Variants in LPAR1 observed in about 807,000 individuals in gnomAD.
LPAR1 encodes the protein lysophosphatidic acid receptor 1, also known as LPA receptor 1.
Under a neutral mutation model 23.8 loss-of-function variants are expected in LPAR1, and 5 were observed. The ratio of observed to expected loss-of-function variants is 0.21; its 90% CI spans 0.11 to 0.44. The LOEUF (loss-of-function observed/expected upper bound fraction) is 0.44. Ranked by LOEUF, LPAR1 falls within the 20% of genes least tolerant of loss-of-function variation. The pLI, the probability that LPAR1 is intolerant of heterozygous loss-of-function variation, is 0.99. For missense variants in LPAR1, 311 were observed against 482.8 expected, an observed-to-expected ratio of 0.64 and a Z score of 3.33; for synonymous variants, 160 against 164.7, an observed-to-expected ratio of 0.97 and a Z score of 0.22.
At position 110,982,861 on chromosome 9, in the gene LPAR1, TACACACAC is replaced by T. The variant is rs55748505; in HGVS notation, c.-181-9311_-181-9304del. ...ACTTCTACAAAAATGTATATACACA[TACACACAC>T]ACACACACACACACACACACACACA... On this transcript the variant is annotated intron_variant, in intron 2 of 5. Transcript: ENST00000683809. Among the ~76,000 whole-genome samples, 714 of 140,090 alleles carry T rather than the reference TACACACAC, an allele frequency of 5.1e-3. 8 individuals are homozygous for T. Among genetic ancestry groups the T allele is most frequent in the African/African-American group, 0.018 (684 of 38,070 alleles). 91.9% of individuals were successfully genotyped at this position (140,090 alleles called of 152,430 possible). A position where few individuals can be genotyped will look rare whatever the true frequency, so the allele number is the denominator to read the frequency against.
chr9:111,018,393 G>T (rs2097497946), intron 2 of LPAR1, among the ~76,000 whole-genome samples: 1 of 152,108 alleles, frequency 6.6e-6, no homozygotes, highest in South Asian at 2.1e-4. Flanking sequence ...ATATTACCAG[G>T]AATCTACTCT....
intron 2 of LPAR1, among the ~76,000 whole-genome samples, chr9:110,980,829 T>C (rs916142208): frequency 6.6e-6 from 1 of 152,120 alleles, no homozygotes. Flanking sequence ...GTGATGGATA[T>C]GTTAATTGCC....
intron 2 of LPAR1, among the ~76,000 whole-genome samples, chr9:111,024,466 T>C (rs1270881500): frequency 6.8e-6 from 1 of 147,280 alleles, no homozygotes; most frequent in Admixed American, 6.8e-5. Flanking sequence ...ATATACATAA[T>C]TATATATACA....
chr9:110,891,304 G>T (rs1279779247), intron 5 of LPAR1, among the ~76,000 whole-genome samples: 1 of 151,994 alleles, frequency 6.6e-6, no homozygotes, highest in African/African-American at 2.4e-5. Flanking sequence ...CTTCAATAAA[G>T]AACATTACAT....
chr9:110,913,334 G>C (rs770365468), intron 5 of LPAR1, among the ~76,000 whole-genome samples: 1 of 152,086 alleles, frequency 6.6e-6, no homozygotes, highest in Non-Finnish European at 1.5e-5. Context: ...TTAAATACAG[G>C]TTTCCAACAG....
At chr9:110,958,109 C>T (rs1016194019) in intron 4 of LPAR1, among the ~76,000 whole-genome samples, 3 of 152,144 alleles carry the variant, frequency 2.0e-5, no homozygotes, top group Non-Finnish European at 4.4e-5. Context: ...ACATCCTATG[C>T]TTATAGATCG....
intron 5 of LPAR1, among the ~76,000 whole-genome samples, chr9:110,931,934 A>G (rs2135720349): frequency 6.6e-6 from 1 of 152,262 alleles, no homozygotes; most frequent in East Asian, 1.9e-4. Context: ...GCCTTGTAGT[A>G]TAGTTTGAAG....
In LPAR1 at chr9:110,995,065, T is replaced by C. The variant is rs145097368; in HGVS notation, c.-181-21507A>G. Among the ~76,000 whole-genome samples the C allele has an allele frequency of 4.1e-3, 626 of 152,274 alleles. 1 individual carries two copies. The highest frequency in any genetic ancestry group is 0.014 in the Middle Eastern group (4 of 292). ...GACAAAGGCAGATGCTCCAGCAATG[T>C]GGCCCTAAGTACTTCTGTTTCCAGG... On this transcript the variant is annotated intron_variant, in intron 2 of 5. Coordinates refer to ENST00000683809, the MANE Select transcript of LPAR1 (RefSeq NM_001351411.2).
chr9:111,009,706 G>A (rs1253418272), intron 2 of LPAR1, among the ~76,000 whole-genome samples: 1 of 151,548 alleles, frequency 6.6e-6, no homozygotes, highest in Non-Finnish European at 1.5e-5. Flanking sequence ...ATATATATAT[G>A]TATTTGAGTA....
chr9:110,976,256 G>A (rs144757117), intron 2 of LPAR1, among the ~76,000 whole-genome samples: 3,228 of 150,948 alleles, frequency 0.021, 53 homozygotes, highest in Admixed American at 0.037. Context: ...ATTTTGAGAC[G>A]CCGATGTGGG....
At chr9:110,896,031 G>A (rs1040940177) in intron 5 of LPAR1, among the ~76,000 whole-genome samples, 3 of 152,192 alleles carry the variant, frequency 2.0e-5, no homozygotes, top group Non-Finnish European at 4.4e-5. Flanking sequence ...TAGGGAAGAT[G>A]TAAGCTGGGT....
chr9:111,000,235 T>C (rs1484228124), intron 2 of LPAR1, among the ~76,000 whole-genome samples: 4 of 152,134 alleles, frequency 2.6e-5, no homozygotes, highest in Non-Finnish European at 5.9e-5. Context: ...CAATAAACAA[T>C]CTACTGGTTG....
At chr9:110,878,657 C>A (rs2079811947) in intron 5 of LPAR1, among the ~76,000 whole-genome samples, 1 of 152,110 alleles carries the variant, frequency 6.6e-6, no homozygotes, top group Non-Finnish European at 1.5e-5. Flanking sequence ...TAGCTCCCTG[C>A]CTCCTCCACA....
At chr9:111,022,798 C>T (rs12337390) in intron 2 of LPAR1, among the ~76,000 whole-genome samples, 4,418 of 152,128 alleles carry the variant, frequency 0.029, 88 homozygotes, top group Non-Finnish European at 0.046. Context: ...AGTCTGTAAT[C>T]CCAGCACTTT....
intron 5 of LPAR1, among the ~76,000 whole-genome samples, chr9:110,881,955 C>A (rs2080993899): frequency 6.6e-6 from 1 of 152,192 alleles, no homozygotes; most frequent in South Asian, 2.1e-4. Flanking sequence ...TCCAGTCACA[C>A]AGACCAAGCC....
intron 5 of LPAR1, among the ~76,000 whole-genome samples, chr9:110,913,554 GTATA>G (rs57807795): frequency 0.29 from 43,238 of 150,842 alleles, 6,666 homozygotes; most frequent in South Asian, 0.36. Flanking sequence ...ATTTTAATAA[GTATA>G]TATATATATA....
intron 4 of LPAR1, among the ~76,000 whole-genome samples, chr9:110,966,448 C>A (rs2096228602): frequency 6.7e-6 from 1 of 149,382 alleles, no homozygotes; most frequent in Non-Finnish European, 1.5e-5. Flanking sequence ...CATTGCACTC[C>A]AGCCTGGGCA....
intron 2 of LPAR1, among the ~76,000 whole-genome samples, chr9:111,012,880 T>C (rs2097361059): frequency 6.6e-6 from 1 of 152,152 alleles, no homozygotes; most frequent in Non-Finnish European, 1.5e-5. Flanking sequence ...CGGGAATTCC[T>C]GTGACTGGAC....
chr9:110,964,738 CAG>C (rs1174071099), intron 4 of LPAR1, among the ~76,000 whole-genome samples: 1 of 148,634 alleles, frequency 6.7e-6, no homozygotes, highest in Non-Finnish European at 1.5e-5. Flanking sequence ...TTTCTAATAA[CAG>C]AAATAAAACC....
Sources: gnomAD v4.1 joint callset for allele counts (sites outside exome capture counted in the v4.1 genomes callset) on GRCh38, gnomAD v4.1.1 for gene constraint, MANE v1.5 for transcripts, NCBI Gene and HGNC (gene_info 2026-07-23, HGNC 2026-07-21) for gene names.